ATP11A: variants seen among roughly 807,000 people sequenced by gnomAD.
ATP11A encodes the protein phospholipid-transporting ATPase IH.
In ATP11A, 81 loss-of-function variants were observed where a neutral mutation model predicts 154.4. That is an observed-to-expected ratio of 0.52 (90% CI 0.44 to 0.63). ATP11A has a LOEUF of 0.63. ATP11A is among the 30% of genes least tolerant of loss of function. ATP11A has a pLI of 0.00. For missense variants in ATP11A, 1,316 were observed against 1,474.3 expected (o/e 0.89, Z 1.76); for synonymous variants, 623 against 585.9 (o/e 1.06, Z -0.91).
At chr13:112,740,520 A>G (rs981353099) in intron 1 of ATP11A, among the ~76,000 whole-genome samples, 2 of 152,198 alleles carry the variant, frequency 1.3e-5, no homozygotes, top group African/African-American at 4.8e-5. Context: ...ATAGCCACAA[A>G]GCCAGGGTAG....
At chr13:112,814,883 A>G (rs1303341266) in intron 5 of ATP11A, among the ~76,000 whole-genome samples, 1 of 152,206 alleles carries the variant, frequency 6.6e-6, no homozygotes, top group Non-Finnish European at 1.5e-5. Flanking sequence ...ATTTATATCT[A>G]TAAAAATCCT....
chr13:112,825,631 A>T, intron 11 of ATP11A, 51 bp downstream of exon 11: 1 of 1,529,910 alleles, frequency 6.5e-7, no homozygotes, highest in East Asian at 2.4e-5. Flanking sequence ...GTGGGCCATT[A>T]TTACGAAAAT....
At chr13:112,756,356 C>G (rs1342456083) in intron 1 of ATP11A, among the ~76,000 whole-genome samples, 1 of 152,184 alleles carries the variant, frequency 6.6e-6, no homozygotes, top group Non-Finnish European at 1.5e-5. Context: ...GCAGTTCTTT[C>G]TCTCTAGACC....
At chr13:112,707,474 T>G (rs1263343402) in intron 1 of ATP11A, among the ~76,000 whole-genome samples, 1 of 146,160 alleles carries the variant, frequency 6.8e-6, no homozygotes, top group Non-Finnish European at 1.5e-5. Context: ...GCCTTGAAGG[T>G]GAGGAGCGTA....
rs533306416 is a variant in ATP11A at position 112,757,306 on chromosome 13, A to C, written c.40-27829A>C. The stretch of plus-strand genomic sequence containing the variant: ...TGGTGAACAAACATAGGAAGCTTTC[A>C]TCTTCAGAGTAAACAGAAATTCCAA... On this transcript the variant is annotated intron_variant, in intron 1 of 29. Coordinates refer to ENST00000375645, the MANE Select transcript of ATP11A (RefSeq NM_015205.3). Among the ~76,000 whole-genome samples the C allele has an allele frequency of 5.9e-5, 9 of 152,370 alleles. No individual in the cohort carries two copies. The South Asian group carries it at 1.7e-3, about 28-fold the overall frequency.
rs149127827 is a variant in ATP11A, at chr13:112,816,412, T to A, written c.570+201T>A. Reference sequence around the variant, plus strand: ...TTCTTTTTCCTTTTTAAAAATAAATTGTATTGTGTATATTTGAGGCATATA... The same window carrying A: ...TTCTTTTTCCTTTTTAAAAATAAATAGTATTGTGTATATTTGAGGCATATA... On this transcript the variant is annotated intron_variant, in intron 6 of 29. Transcript: ENST00000375645. Among the ~76,000 whole-genome samples, 133 of 152,316 alleles carry A rather than the reference T, an allele frequency of 8.7e-4. 2 individuals are homozygous for A. The East Asian group carries it at 0.02, about 23-fold the overall frequency.
At chr13:112,702,462 C>T (rs1886682400) in intron 1 of ATP11A, among the ~76,000 whole-genome samples, 2 of 152,230 alleles carry the variant, frequency 1.3e-5, no homozygotes, top group African/African-American at 4.8e-5. Context: ...AAGGCGTGCA[C>T]ACGGGGGGTG....
chr13:112,710,015 G>A (rs1250426246), intron 1 of ATP11A, among the ~76,000 whole-genome samples: 1 of 152,248 alleles, frequency 6.6e-6, no homozygotes, highest in Non-Finnish European at 1.5e-5. Context: ...AACAGCACAG[G>A]TCCTCTGCCT....
At chr13:112,829,978 G>A (rs760602769) in intron 12 of ATP11A, among the ~76,000 whole-genome samples, 4 of 152,140 alleles carry the variant, frequency 2.6e-5, no homozygotes, top group African/African-American at 2.4e-5. Context: ...TCTGCGTCCC[G>A]AGCTAACAGA....
chr13:112,695,447 C>A (rs1449002175), intron 1 of ATP11A, among the ~76,000 whole-genome samples: 5 of 152,212 alleles, frequency 3.3e-5, no homozygotes, highest in Admixed American at 3.3e-4. Context: ...CATAATTTCA[C>A]CTTTGTGTCT....
chr13:112,825,703 G>A (rs2078916019), intron 11 of ATP11A, 123 bp downstream of exon 11: 1 of 1,174,104 alleles, frequency 8.5e-7, no homozygotes, highest in Non-Finnish European at 1.2e-6. Flanking sequence ...GATTGATTCA[G>A]TCTCTGTGAT....
intron 16 of ATP11A, among the ~76,000 whole-genome samples, chr13:112,839,025 G>A (rs1444112666): frequency 6.6e-6 from 1 of 152,166 alleles, no homozygotes; most frequent in Non-Finnish European, 1.5e-5. Flanking sequence ...AGCCCCAACA[G>A]GGGCCTCCCA....
chr13:112,723,693 C>T (rs1323951674), intron 1 of ATP11A, among the ~76,000 whole-genome samples: 2 of 151,986 alleles, frequency 1.3e-5, no homozygotes, highest in Admixed American at 1.3e-4. Context: ...GCTGGGAGCT[C>T]AGTTTTTAAG....
At chr13:112,869,729 C>T (rs1202831391) in intron 25 of ATP11A, among the ~76,000 whole-genome samples, 2 of 152,248 alleles carry the variant, frequency 1.3e-5, no homozygotes, top group Non-Finnish European at 2.9e-5. Context: ...CTGAAAGCAT[C>T]AGCTTCCAGT....
intron 29 of ATP11A, chr13:112,881,018 T>C: frequency 1.0e-6 from 1 of 990,028 alleles, no homozygotes; most frequent in Non-Finnish European, 1.2e-6. Context: ...TATTGCATGG[T>C]TTGTGTGGAA....
At chr13:112,691,665 CTT>C (rs1180688354) in intron 1 of ATP11A, among the ~76,000 whole-genome samples, 1 of 152,050 alleles carries the variant, frequency 6.6e-6, no homozygotes, top group Non-Finnish European at 1.5e-5. Flanking sequence ...ATTATGGGAA[CTT>C]TGTTCTTTCC....
rs2078733232 is a variant in ATP11A, at chr13:112,819,365, A to G, written c.632A>G (p.His211Arg). Residue 211 changes from histidine (H) to arginine (R), a missense_variant, in exon 7 of 30, where the codon CAC becomes CGC. By Grantham distance (29) the His-to-Arg change is conservative. Transcript: ENST00000375645. Reference protein sequence around the residue: ...FHTEEDIGGLHATIECEQPQP... With the variant: ...FHTEEDIGGLRATIECEQPQP... ...ACAGAGGAGGATATCGGCGGACTTC[A>G]CGCCACCATCGAGTGTGAGCAGCCC... 4 of 1,614,094 alleles carry G rather than the reference A, an allele frequency of 2.5e-6. No individual in the cohort carries two copies. Among genetic ancestry groups the G allele is most frequent in the Admixed American group, 1.7e-5 (1 of 60,002 alleles).
chr13:112,730,334 G>A (rs1235106653), intron 1 of ATP11A, among the ~76,000 whole-genome samples: 1 of 152,186 alleles, frequency 6.6e-6, no homozygotes, highest in African/African-American at 2.4e-5. Context: ...CATGGAGGCC[G>A]GAGGACGGGC....
At chr13:112,802,296 A>T (rs908195115) in intron 2 of ATP11A, among the ~76,000 whole-genome samples, 1 of 152,118 alleles carries the variant, frequency 6.6e-6, no homozygotes. Context: ...CGGTGAGCCG[A>T]GATCGCGCCA....
Sources: allele counts gnomAD v4.1 joint callset (sites outside exome capture counted in the v4.1 genomes callset), GRCh38; gene constraint gnomAD v4.1.1; transcripts MANE v1.5; gene names NCBI Gene and HGNC (gene_info 2026-07-23, HGNC 2026-07-21).